The following CLIC2 variants were observed in gnomAD, a reference collection of about 807,000 sequenced individuals.
CLIC2 encodes the protein chloride intracellular channel protein 2.
Under a neutral mutation model 14.8 loss-of-function variants are expected in CLIC2, and 9 were observed. That is an observed-to-expected ratio of 0.61 (90% CI 0.37 to 1.06). The LOEUF is 1.06. Among genes scored for constraint, CLIC2 ranks in the 50% least tolerant of loss-of-function variants. CLIC2 has a pLI of 0.01. For missense variants in CLIC2, 148 were observed against 181.4 expected, an observed-to-expected ratio of 0.82 and a Z score of 1.06; for synonymous variants, 61 against 66.3, an observed-to-expected ratio of 0.92 and a Z score of 0.39.
chrX:155,329,680 T>C lies in CLIC2; in HGVS notation c.57+4691A>G, dbSNP rs138179116. ...CTACCTTATGGTCCAGCAATCCCAC[T>C]GCTAGGTATCTACCCCAAAGAAAGG... is the stretch of plus-strand genomic sequence containing the variant. On this transcript the variant is annotated intron_variant, in intron 1 of 5. Transcript: ENST00000369449. Among the ~76,000 whole-genome samples the C allele has an allele frequency of 1.6e-3, 178 of 109,546 alleles. 1 individual carries two copies. The East Asian group carries it at 0.049, about 30-fold the overall frequency.
At chrX:155,321,059 C>T (rs2075112629) in intron 1 of CLIC2, among the ~76,000 whole-genome samples, 1 of 111,490 alleles carries the variant, frequency 9.0e-6, no homozygotes, top group South Asian at 3.8e-4. Flanking sequence ...AAATATAGGA[C>T]TATGTGAAAA....
intron 1 of CLIC2, among the ~76,000 whole-genome samples, chrX:155,323,042 G>C (rs970202279): frequency 8.9e-6 from 1 of 112,086 alleles, no homozygotes; most frequent in African/African-American, 3.2e-5. Flanking sequence ...GCAATTAACA[G>C]TTTACCAACC....
At chrX:155,326,518 T>C (rs1557322342) in intron 1 of CLIC2, among the ~76,000 whole-genome samples, 1 of 112,065 alleles carries the variant, frequency 8.9e-6, no homozygotes, top group African/African-American at 3.2e-5. Context: ...GGAAAGCACT[T>C]TGGCAATTTC....
At chrX:155,294,943 G>A (rs1557318199) in intron 3 of CLIC2, among the ~76,000 whole-genome samples, 19 of 111,509 alleles carry the variant, frequency 1.7e-4, no homozygotes, top group Non-Finnish European at 1.3e-4. Flanking sequence ...AATTCTACCA[G>A]AAGAACTAAT....
At chrX:155,297,198 T>A (rs2074995177) in intron 3 of CLIC2, among the ~76,000 whole-genome samples, 1 of 111,420 alleles carries the variant, frequency 9.0e-6, no homozygotes, top group Non-Finnish European at 1.9e-5. Context: ...TCAAGTGAAA[T>A]AAGCCAGGCA....
chrX:155,323,553 T>A (rs2075125363), intron 1 of CLIC2, among the ~76,000 whole-genome samples: 1 of 111,940 alleles, frequency 8.9e-6, no homozygotes, highest in Non-Finnish European at 1.9e-5. Flanking sequence ...GAGCTATCCA[T>A]GAAAAACCCA....
intron 1 of CLIC2, among the ~76,000 whole-genome samples, chrX:155,328,004 C>A (rs1557322502): frequency 1.8e-5 from 2 of 110,952 alleles, no homozygotes; most frequent in African/African-American, 6.5e-5. Flanking sequence ...ATAGAGGGAA[C>A]ATACCTCAAC....
intron 3 of CLIC2, among the ~76,000 whole-genome samples, chrX:155,294,651 A>C (rs1169916100): frequency 8.9e-6 from 1 of 112,105 alleles, no homozygotes; most frequent in African/African-American, 3.2e-5. Context: ...TAACCAAAAA[A>C]GTAGAAGACC....
chrX:155,303,118 C>T (rs1384043473), intron 1 of CLIC2, among the ~76,000 whole-genome samples: 5 of 95,630 alleles, frequency 5.2e-5, no homozygotes, highest in Non-Finnish European at 8.5e-5. Flanking sequence ...GAGCCGAGTT[C>T]AATTCCTGGG....
chrX:155,302,546 A>AT (rs1469451637), intron 1 of CLIC2, among the ~76,000 whole-genome samples: 2 of 85,428 alleles, frequency 2.3e-5, no homozygotes, highest in African/African-American at 7.9e-5. Flanking sequence ...GGATTCATTG[A>AT]TTTTTTGAAG....
intron 3 of CLIC2, among the ~76,000 whole-genome samples, chrX:155,297,851 CT>C (rs2074998313): frequency 6.9e-5 from 1 of 14,428 alleles, no homozygotes; most frequent in Non-Finnish European, 2.5e-4. Flanking sequence ...CAGAGCGAGA[CT>C]CCGGTCTCAA....
intron 1 of CLIC2, among the ~76,000 whole-genome samples, chrX:155,301,485 C>T (rs1602943357): frequency 1.8e-5 from 2 of 108,677 alleles, no homozygotes; most frequent in East Asian, 2.9e-4. Context: ...TGGGCTGAGA[C>T]AATGGGGTTT....
intron 3 of CLIC2, among the ~76,000 whole-genome samples, chrX:155,291,945 G>A (rs1217653685): frequency 1.8e-5 from 2 of 112,049 alleles, no homozygotes; most frequent in Non-Finnish European, 1.9e-5. Flanking sequence ...GCAGCCCCGC[G>A]GCCATGCGAC....
At chrX:155,288,866 C>A (rs1239157192) in intron 3 of CLIC2, among the ~76,000 whole-genome samples, 1 of 110,955 alleles carries the variant, frequency 9.0e-6, no homozygotes, top group Admixed American at 9.6e-5. Context: ...GTGCTTTGGC[C>A]GGGCGCAGTG....
intron 1 of CLIC2, among the ~76,000 whole-genome samples, chrX:155,318,168 C>T (rs1007283232): frequency 9.0e-6 from 1 of 111,229 alleles, no homozygotes. Flanking sequence ...CTCACTTTTA[C>T]CACTTATATT....
Position 155,278,046 on chromosome X carries a change from G to A in CLIC2, c.601C>T (p.Arg201Cys), listed in dbSNP as rs5940668. 2.2e-5 allele frequency: 27 copies of A among 1,210,664 alleles called. No individual in the cohort carries two copies. Among genetic ancestry groups the A allele is most frequent in the East Asian group, 3.0e-5 (1 of 33,827 alleles). The change falls in exon 6 of 6, where the codon CGT becomes TGT. Residue 201 changes from arginine (R) to cysteine (C), a missense_variant. Transcript: ENST00000369449. ...AATTCTGCTGGAATGTCAAAGTCAC[G>A]ATATTTCTTGGCAGCAACCTAGAAT... ...NIIKVAAKKY[R>C]DFDIPAEFSG...
intron 1 of CLIC2, among the ~76,000 whole-genome samples, chrX:155,311,274 G>T (rs1389734349): frequency 2.7e-5 from 3 of 111,764 alleles, no homozygotes; most frequent in Admixed American, 9.5e-5. Context: ...CAGTACCCAA[G>T]TCACCTCTTG....
At chrX:155,331,853 A>G (rs2075157934) in intron 1 of CLIC2, among the ~76,000 whole-genome samples, 1 of 111,548 alleles carries the variant, frequency 9.0e-6, no homozygotes, top group Admixed American at 9.6e-5. Context: ...GCTATAAGAT[A>G]CTTTGAAATG....
intron 1 of CLIC2, among the ~76,000 whole-genome samples, chrX:155,305,498 C>T (rs970279234): frequency 8.9e-6 from 1 of 111,998 alleles, no homozygotes; most frequent in African/African-American, 3.2e-5. Flanking sequence ...GAGATGAACC[C>T]GGTACCTCAG....
Sources: gnomAD v4.1 joint callset for allele counts (sites outside exome capture counted in the v4.1 genomes callset) on GRCh38, gnomAD v4.1.1 for gene constraint, MANE v1.5 for transcripts, NCBI Gene and HGNC (gene_info 2026-07-23, HGNC 2026-07-21) for gene names.